Variants in SPOCK3 observed in about 807,000 individuals in gnomAD.
SPOCK3 encodes testican-3.
In SPOCK3, 30 loss-of-function variants were observed where a neutral mutation model predicts 56.6. The observed-to-expected ratio is 0.53, with a 90% CI of 0.40 to 0.72. SPOCK3 has a LOEUF of 0.72. SPOCK3 is among the 30% of genes least tolerant of loss of function. SPOCK3 has a pLI of 0.00. For synonymous variants in SPOCK3, 196 were observed against 183.3 expected, an observed-to-expected ratio of 1.07 and a Z score of -0.56; for missense variants, 527 against 530.0, an observed-to-expected ratio of 0.99 and a Z score of 0.06.
intron 9 of SPOCK3, among the ~76,000 whole-genome samples, chr4:166,739,943 A>C (rs770641982): frequency 2.6e-5 from 4 of 152,162 alleles, no homozygotes; most frequent in Admixed American, 6.5e-5. Flanking sequence ...TTAACTTCAG[A>C]ACGCTTTCTA....
At chr4:167,214,978 T>C (rs1380752975) in intron 2 of SPOCK3, among the ~76,000 whole-genome samples, 1 of 150,844 alleles carries the variant, frequency 6.6e-6, no homozygotes, top group East Asian at 1.9e-4. Context: ...TATATATATT[T>C]ACTGTATATA....
chr4:167,023,906 T>G (rs879583506), intron 3 of SPOCK3, among the ~76,000 whole-genome samples: 29 of 152,058 alleles, frequency 1.9e-4, no homozygotes, highest in Admixed American at 3.3e-4. Flanking sequence ...TCTTTAAAAT[T>G]TATCATCTTG....
intron 6 of SPOCK3, among the ~76,000 whole-genome samples, chr4:166,809,087 T>G (rs1441697283): frequency 6.6e-6 from 1 of 152,126 alleles, no homozygotes; most frequent in Non-Finnish European, 1.5e-5. Flanking sequence ...TTACATGGTT[T>G]GTAGACTCTG....
At chr4:167,230,539 ATCTAC>A (rs1334173954) in intron 2 of SPOCK3, among the ~76,000 whole-genome samples, 2 of 149,526 alleles carry the variant, frequency 1.3e-5, no homozygotes, top group Non-Finnish European at 3.0e-5. Context: ...TAACCAGTAT[ATCTAC>A]TGAATATATA....
intron 6 of SPOCK3, among the ~76,000 whole-genome samples, chr4:166,825,929 A>T (rs1745421336): frequency 6.6e-6 from 1 of 152,078 alleles, no homozygotes; most frequent in Non-Finnish European, 1.5e-5. Flanking sequence ...AAAAGACTGC[A>T]TATTGGGTAC....
chr4:167,114,851 C>G (rs773478347), intron 2 of SPOCK3, among the ~76,000 whole-genome samples: 2 of 151,788 alleles, frequency 1.3e-5, no homozygotes, highest in Non-Finnish European at 2.9e-5. Flanking sequence ...TTCAGAGTTG[C>G]TACAGTGTTC....
chr4:167,205,445 ATATAT>A (rs1734122272), intron 2 of SPOCK3, among the ~76,000 whole-genome samples: 1 of 49,824 alleles, frequency 2.0e-5, no homozygotes, highest in African/African-American at 8.5e-5. Flanking sequence ...ATAATATAAT[ATATAT>A]TATATAAATA....
intron 6 of SPOCK3, among the ~76,000 whole-genome samples, chr4:166,802,493 T>G (rs1742713152): frequency 6.6e-6 from 1 of 152,202 alleles, no homozygotes; most frequent in South Asian, 2.1e-4. Context: ...GCCCCCTTCC[T>G]AGACGGCATT....
chr4:166,868,930 C>T (rs566050897), intron 6 of SPOCK3, among the ~76,000 whole-genome samples: 38 of 151,914 alleles, frequency 2.5e-4, no homozygotes, highest in Admixed American at 1.8e-3. Flanking sequence ...GTGGCTTCAA[C>T]GAAATTTATA....
intron 2 of SPOCK3, among the ~76,000 whole-genome samples, chr4:167,141,199 A>G (rs922577750): frequency 3.9e-5 from 6 of 151,992 alleles, no homozygotes; most frequent in African/African-American, 1.4e-4. Context: ...ACTTTTCCAT[A>G]CCAAAATGCC....
chr4:166,794,736 G>A (rs934505347), intron 6 of SPOCK3, among the ~76,000 whole-genome samples: 8 of 147,876 alleles, frequency 5.4e-5, no homozygotes, highest in Admixed American at 1.4e-4. Context: ...TCTGCCTTTC[G>A]GGTTCAAGAG....
chr4:166,897,065 T>C (rs982090402), intron 5 of SPOCK3, among the ~76,000 whole-genome samples: 1 of 152,194 alleles, frequency 6.6e-6, no homozygotes, highest in African/African-American at 2.4e-5. Flanking sequence ...TTTGTCCTGG[T>C]AAAAATTGCT....
intron 2 of SPOCK3, among the ~76,000 whole-genome samples, chr4:167,104,932 A>G (rs926364636): frequency 6.6e-6 from 1 of 152,058 alleles, no homozygotes; most frequent in Non-Finnish European, 1.5e-5. Flanking sequence ...AGAGAGCAGC[A>G]TGACATACTT....
At chr4:167,038,078 A>C (rs535671487) in intron 3 of SPOCK3, among the ~76,000 whole-genome samples, 148 of 152,192 alleles carry the variant, frequency 9.7e-4, no homozygotes, top group Non-Finnish European at 1.9e-3. Flanking sequence ...GGCACATGCT[A>C]TGAGACCCCA....
chr4:167,160,673 A>G (rs935213572), intron 2 of SPOCK3, among the ~76,000 whole-genome samples: 29 of 152,206 alleles, frequency 1.9e-4, no homozygotes, highest in African/African-American at 6.3e-4. Flanking sequence ...AAACAGCATG[A>G]TACTGGTACC....
intron 6 of SPOCK3, among the ~76,000 whole-genome samples, chr4:166,874,859 T>C (rs965096518): frequency 3.3e-5 from 5 of 152,210 alleles, no homozygotes; most frequent in Non-Finnish European, 7.3e-5. Context: ...ATAGTAACTC[T>C]TTTGCCTGAC....
At chr4:166,990,672 C>A (rs534160064) in intron 4 of SPOCK3, among the ~76,000 whole-genome samples, 1 of 151,920 alleles carries the variant, frequency 6.6e-6, no homozygotes, top group East Asian at 1.9e-4. Flanking sequence ...CTCTAATTTA[C>A]CCAAAATGTT....
At chr4:166,884,870 A>AACAC (rs34910996) in intron 6 of SPOCK3, among the ~76,000 whole-genome samples, 2,787 of 147,508 alleles carry the variant, frequency 0.019, 26 homozygotes, top group Non-Finnish European at 0.024. Flanking sequence ...AAACTGGTTA[A>AACAC]ACACACACAC....
intron 2 of SPOCK3, among the ~76,000 whole-genome samples, chr4:167,162,043 T>TA (rs913474119): frequency 4.0e-4 from 60 of 150,600 alleles, no homozygotes; most frequent in South Asian, 1.3e-3. Flanking sequence ...AGTATAATAA[T>TA]AAAAAAAAAG....
Sources: gnomAD v4.1 joint callset for allele counts (sites outside exome capture counted in the v4.1 genomes callset) on GRCh38, gnomAD v4.1.1 for gene constraint, MANE v1.5 for transcripts, NCBI Gene and HGNC (gene_info 2026-07-23, HGNC 2026-07-21) for gene names.